LMNA: variants seen among roughly 807,000 people sequenced by gnomAD.
The protein encoded by LMNA is lamin.
Under a neutral mutation model 70.4 loss-of-function variants are expected in LMNA, and 20 were observed. That is an observed-to-expected ratio of 0.28 (90% CI 0.20 to 0.41). The LOEUF (loss-of-function observed/expected upper bound fraction) is 0.41, where lower values mean the gene tolerates loss of function less well. LMNA is among the 10% of genes least tolerant of loss of function. LMNA has a pLI of 1.00. For synonymous variants in LMNA, 339 were observed against 372.8 expected (o/e 0.91, Z 1.04); for missense variants, 652 against 917.2 (o/e 0.71, Z 3.73).
At chr1:156,091,770 A>G (rs1648711973) in intron 3 of LMNA, among the ~76,000 whole-genome samples, 1 of 152,176 alleles carries the variant, frequency 6.6e-6, no homozygotes, top group African/African-American at 2.4e-5. Flanking sequence ...ACAGTAGTCA[A>G]GTAGATAATG....
chr1:156,119,323 G>A (rs971776756), intron 1 of LMNA, among the ~76,000 whole-genome samples: 1 of 152,100 alleles, frequency 6.6e-6, no homozygotes, highest in Non-Finnish European at 1.5e-5. Context: ...TCACCATGTT[G>A]GCCAGGATGG....
Position 156,135,043 on chromosome 1 carries a change from C to T in LMNA, c.810+68C>T. On this transcript the variant is annotated intron_variant, in intron 4 of 11. Transcript: ENST00000368300. The surrounding 1 kb of genome is among the most constrained non-coding windows in gnomAD (Gnocchi z 4.8). Reference sequence around the variant, plus strand: ...CAGCCCTACCCTTACCCACGCTGGGCTATGCCTTCTGGGGATCAGGCAGAT... The same window carrying T: ...CAGCCCTACCCTTACCCACGCTGGGTTATGCCTTCTGGGGATCAGGCAGAT... 6.2e-7 allele frequency: 1 copy of T among 1,610,744 alleles called. No homozygotes were observed. Among genetic ancestry groups the T allele is most frequent in the East Asian group, 2.2e-5 (1 of 44,866 alleles).
intron 2 of LMNA, among the ~76,000 whole-genome samples, chr1:156,090,016 A>C (rs1243903515): frequency 6.6e-6 from 1 of 151,922 alleles, no homozygotes; most frequent in Admixed American, 6.6e-5. Context: ...GGGGAGGGGC[A>C]CCTGGTGCCA....
chr1:156,095,114 A>C (rs546237844), intron 3 of LMNA, among the ~76,000 whole-genome samples: 16 of 151,916 alleles, frequency 1.1e-4, no homozygotes, highest in East Asian at 1.9e-4. Context: ...TTTTTATTAG[A>C]GATGTGGTTG....
intron 2 of LMNA, among the ~76,000 whole-genome samples, chr1:156,133,528 G>A (rs1421763645): frequency 6.6e-6 from 1 of 151,658 alleles, no homozygotes; most frequent in African/African-American, 2.4e-5. Flanking sequence ...CTGAGATCGC[G>A]CCACTGCTCT....
At chr1:156,128,158 C>T (rs899225148) in intron 1 of LMNA, among the ~76,000 whole-genome samples, 2 of 152,108 alleles carry the variant, frequency 1.3e-5, no homozygotes, top group African/African-American at 2.4e-5. Flanking sequence ...GTGAAGATGA[C>T]GTGAGTTAAC....
Position 156,134,293 on chromosome 1 carries a change from C to A in LMNA, c.514-110C>A. 8.0e-7 allele frequency: 1 copy of A among 1,252,672 alleles called. No individual in the cohort carries two copies. Among genetic ancestry groups the A allele is most frequent in the South Asian group, 1.3e-5 (1 of 78,280 alleles). 77.6% of individuals were successfully genotyped at this position (1,252,672 alleles called of 1,614,324 possible). Reference sequence around the variant, plus strand: ...CATCCAAGGCCCTCCTTCCCTGGACCTGTTTCCACATGTGTGAAGGGGTGC... The same window carrying A: ...CATCCAAGGCCCTCCTTCCCTGGACATGTTTCCACATGTGTGAAGGGGTGC... On this transcript the variant is annotated intron_variant, in intron 2 of 11. Coordinates refer to ENST00000368300, the MANE Select transcript of LMNA (RefSeq NM_170707.4). This position sits in a 1 kb window ranked among gnomAD's most constrained non-coding sequence, Gnocchi z 5.3.
In LMNA at chr1:156,117,424, G is replaced by A. The variant is rs377212429; in HGVS notation, c.356+2150G>A. Among the ~76,000 whole-genome samples, 18 of 151,710 alleles carry A rather than the reference G, an allele frequency of 1.2e-4. 1 individual carries two copies. The highest frequency in any genetic ancestry group is 4.6e-4 in the Admixed American group (7 of 15,228). On this transcript the variant is annotated intron_variant, in intron 1 of 11. Transcript: ENST00000368300. Reference sequence around the variant, plus strand: ...TACTTTTTATATTTTTAGTAGAGACGGGGTTTCACCATGTTGGCCAGGGTG... The same window carrying A: ...TACTTTTTATATTTTTAGTAGAGACAGGGTTTCACCATGTTGGCCAGGGTG...
In LMNA at chr1:156,135,550, A is replaced by G. The variant is rs1385134421; in HGVS notation, c.936+238A>G. 9.7e-6 allele frequency: 6 copies of G among 620,372 alleles called. No individual in the cohort carries two copies. The highest frequency in any genetic ancestry group is 1.7e-5 in the Non-Finnish European group (6 of 353,886). The allele number at this position is 620,372 out of a possible 1,614,324, so 38.4% of individuals were successfully genotyped here. Reference sequence around the variant, plus strand: ...CAGGGCTTTGGTTTTCCCATTCGAAAATGGAGGCTGTTCTTAATCTCCCTA... The same window carrying G: ...CAGGGCTTTGGTTTTCCCATTCGAAGATGGAGGCTGTTCTTAATCTCCCTA... On this transcript the variant is annotated intron_variant, in intron 5 of 11. Coordinates refer to ENST00000368300, the MANE Select transcript of LMNA (RefSeq NM_170707.4). This position sits in a 1 kb window ranked among gnomAD's most constrained non-coding sequence, Gnocchi z 4.8.
In LMNA at chr1:156,137,621, T is replaced by C. The variant is rs1194842851; in HGVS notation, c.1609-33T>C. 2 of 1,543,202 alleles carry C rather than the reference T, an allele frequency of 1.3e-6. No individual in the cohort carries two copies. Among genetic ancestry groups the C allele is most frequent in the East Asian group, 4.9e-5 (2 of 40,992 alleles). ...ATGCTGTACAACCCTTCCCTGGCCC[T>C]GACCCTTGGACCTGGTTCCATGTCC... is the stretch of plus-strand genomic sequence containing the variant. On this transcript the variant is annotated intron_variant, in intron 9 of 11. Coordinates refer to ENST00000368300, the MANE Select transcript of LMNA (RefSeq NM_170707.4). The surrounding 1 kb of genome is among the most constrained non-coding windows in gnomAD (Gnocchi z 4.6).
At chr1:156,094,412 C>T (rs551243176) in intron 3 of LMNA, among the ~76,000 whole-genome samples, 2 of 152,248 alleles carry the variant, frequency 1.3e-5, no homozygotes, top group East Asian at 3.9e-4. Context: ...AGTCTTGGCT[C>T]ACTGCAACCT....
Position 156,135,428 on chromosome 1 carries a change from T to A in LMNA, c.936+116T>A, listed in dbSNP as rs1651483733. The A allele has an allele frequency of 2.2e-6, 3 of 1,356,258 alleles. No homozygotes were observed. Among genetic ancestry groups the A allele is most frequent in the Non-Finnish European group, 3.1e-6 (3 of 979,772 alleles). 84.0% of individuals were successfully genotyped at this position (1,356,258 alleles called of 1,614,324 possible). On this transcript the variant is annotated intron_variant, in intron 5 of 11. Coordinates refer to ENST00000368300, the MANE Select transcript of LMNA (RefSeq NM_170707.4). This position sits in a 1 kb window ranked among gnomAD's most constrained non-coding sequence, Gnocchi z 4.8. ...GGGAGGTTCCTGAGGAGGAGAGGGATGAAAAGTGTCCCCACAACCACAGAG... is the reference window on the plus strand; with the variant it reads ...GGGAGGTTCCTGAGGAGGAGAGGGAAGAAAAGTGTCCCCACAACCACAGAG...
At position 156,097,457 on chromosome 1, in the gene LMNA, C is replaced by T. The variant is rs115994086; in HGVS notation, c.-207+6875C>T. Reference sequence around the variant, plus strand: ...AAGGGGCAGGCGCTTTGCTCCACGCCGTACATGCACATATCACTTATATCA... The same window carrying T: ...AAGGGGCAGGCGCTTTGCTCCACGCTGTACATGCACATATCACTTATATCA... On this transcript the variant is annotated intron_variant, in intron 3 of 12. Transcript: ENST00000368301. 1.1e-3 allele frequency among the ~76,000 whole-genome samples: 172 copies of T among 152,338 alleles called. 1 individual carries two copies. Among genetic ancestry groups the T allele is most frequent in the African/African-American group, 3.8e-3 (156 of 41,580 alleles).
At chr1:156,100,253 G>A (rs1389666725) in intron 3 of LMNA, among the ~76,000 whole-genome samples, 1 of 152,198 alleles carries the variant, frequency 6.6e-6, no homozygotes, top group Non-Finnish European at 1.5e-5. Flanking sequence ...TTTTACTAGT[G>A]ATAGGACCTG....
At chr1:156,132,647 C>T (rs10158206) in intron 2 of LMNA, among the ~76,000 whole-genome samples, 16,367 of 151,916 alleles carry the variant, frequency 0.11, 1,669 homozygotes, top group African/African-American at 0.27. Context: ...TCATAGTATA[C>T]CAGGGAAAGA....
intron 3 of LMNA, among the ~76,000 whole-genome samples, chr1:156,097,952 CGT>C (rs113207741): frequency 5.3e-5 from 8 of 150,940 alleles, no homozygotes; most frequent in South Asian, 2.1e-4. Context: ...TGTGTGCGTG[CGT>C]GTGTGTGTGT....
intron 2 of LMNA, among the ~76,000 whole-genome samples, chr1:156,086,282 C>T (rs528512994): frequency 6.6e-6 from 1 of 152,210 alleles, no homozygotes; most frequent in Non-Finnish European, 1.5e-5. Context: ...CATCATAGGT[C>T]ACTTGAAGTC....
intron 1 of LMNA, among the ~76,000 whole-genome samples, chr1:156,121,833 A>G (rs116713694): frequency 0.012 from 1,842 of 152,208 alleles, 42 homozygotes; most frequent in African/African-American, 0.042. Context: ...GATCTCTGGA[A>G]GATTGCAGGG....
chr1:156,117,926 C>T (rs1035821335), intron 1 of LMNA, among the ~76,000 whole-genome samples: 4 of 151,434 alleles, frequency 2.6e-5, no homozygotes, highest in East Asian at 1.9e-4. Flanking sequence ...TCTCACCTTC[C>T]GGAATAGCTG....
Sources: allele counts gnomAD v4.1 joint callset (sites outside exome capture counted in the v4.1 genomes callset), GRCh38; gene constraint gnomAD v4.1.1; non-coding constraint Gnocchi (gnomAD v3.1); transcripts MANE v1.5; gene names NCBI Gene and HGNC (gene_info 2026-07-23, HGNC 2026-07-21).